The following ARL15 variants were observed in gnomAD, a reference collection of about 807,000 sequenced individuals.
ARL15 encodes ARF like GTPase 15.
Under a neutral mutation model 25.2 loss-of-function variants are expected in ARL15, and 19 were observed. The observed-to-expected ratio is 0.75, with a 90% CI of 0.53 to 1.10. ARL15 has a LOEUF of 1.10. ARL15 is among the 50% of genes least tolerant of loss of function. The pLI is 0.00. For missense variants in ARL15, 220 were observed against 246.0 expected (o/e 0.89, Z 0.71); for synonymous variants, 94 against 86.8 (o/e 1.08, Z -0.46).
At chr5:54,132,851 G>A (rs1037441189) in intron 3 of ARL15, among the ~76,000 whole-genome samples, 3 of 152,044 alleles carry the variant, frequency 2.0e-5, no homozygotes, top group Admixed American at 6.6e-5. Context: ...GGTTTTAGCC[G>A]GCTTCTTTAC....
At chr5:53,953,796 G>A (rs1260791573) in intron 4 of ARL15, among the ~76,000 whole-genome samples, 1 of 152,092 alleles carries the variant, frequency 6.6e-6, no homozygotes, top group Non-Finnish European at 1.5e-5. Flanking sequence ...AAAGTTCTCT[G>A]ATCCATCATA....
chr5:54,155,949 T>C (rs1561245892), intron 2 of ARL15, among the ~76,000 whole-genome samples: 1 of 152,188 alleles, frequency 6.6e-6, no homozygotes, highest in African/African-American at 2.4e-5. Flanking sequence ...TTTTAAGCAT[T>C]ATTTAATATG....
intron 4 of ARL15, among the ~76,000 whole-genome samples, chr5:54,058,115 C>T (rs1750944700): frequency 6.6e-6 from 1 of 151,936 alleles, no homozygotes. Flanking sequence ...AAGTGATTCC[C>T]CTGCCTCAGC....
intron 4 of ARL15, among the ~76,000 whole-genome samples, chr5:54,025,221 C>T (rs1453223061): frequency 6.7e-6 from 1 of 149,956 alleles, no homozygotes; most frequent in Non-Finnish European, 1.5e-5. Flanking sequence ...TTACCCTCAC[C>T]TGAGTTTTCT....
chr5:54,309,548 T>C (rs925838201), intron 1 of ARL15, among the ~76,000 whole-genome samples: 2 of 152,194 alleles, frequency 1.3e-5, no homozygotes, highest in African/African-American at 4.8e-5. Context: ...TGCATGGCAA[T>C]AGCGGTTCTG....
At chr5:54,081,916 A>G (rs1319410077) in intron 4 of ARL15, among the ~76,000 whole-genome samples, 1 of 151,356 alleles carries the variant, frequency 6.6e-6, no homozygotes, top group East Asian at 1.9e-4. Flanking sequence ...ACATAGCGAA[A>G]CCCCGTCTCT....
chr5:54,149,866 CT>C (rs1754012657), intron 3 of ARL15, among the ~76,000 whole-genome samples: 1 of 152,226 alleles, frequency 6.6e-6, no homozygotes, highest in African/African-American at 2.4e-5. Flanking sequence ...TTGAGATTAG[CT>C]TCACCAAAAA....
chr5:53,978,637 G>A (rs28499105), intron 4 of ARL15, among the ~76,000 whole-genome samples: 83,722 of 123,748 alleles, frequency 0.68, 28,239 homozygotes, highest in East Asian at 0.86. Context: ...AAAAAAAAAA[G>A]AAAAGAAAAG....
rs143801550 is a variant in ARL15 at position 53,992,127 on chromosome 5, G to A, written c.463-105414C>T. ...CCCAACCTTAGAAAGATATGACATCGTCAAAAGGAATGTAGCGCCATCTAA... is the reference window on the plus strand; with the variant it reads ...CCCAACCTTAGAAAGATATGACATCATCAAAAGGAATGTAGCGCCATCTAA... On this transcript the variant is annotated intron_variant, in intron 4 of 4. Coordinates refer to ENST00000504924, the MANE Select transcript of ARL15 (RefSeq NM_019087.3). Among the ~76,000 whole-genome samples the A allele has an allele frequency of 5.2e-3, 793 of 152,074 alleles. 5 individuals are homozygous for A. Among genetic ancestry groups the A allele is most frequent in the Non-Finnish European group, 0.01 (684 of 68,002 alleles).
chr5:54,205,823 C>T (rs758064796), intron 1 of ARL15, among the ~76,000 whole-genome samples: 1 of 152,192 alleles, frequency 6.6e-6, no homozygotes, highest in Non-Finnish European at 1.5e-5. Flanking sequence ...ACTAAAGTTA[C>T]CTGATGACCG....
At chr5:54,212,601 A>G (rs575550049) in intron 1 of ARL15, among the ~76,000 whole-genome samples, 15 of 152,320 alleles carry the variant, frequency 9.8e-5, no homozygotes, top group Admixed American at 9.8e-4. Flanking sequence ...AGACCAGGGT[A>G]TTTTAGCAAG....
intron 4 of ARL15, among the ~76,000 whole-genome samples, chr5:54,036,595 A>C (rs1368261525): frequency 2.0e-5 from 3 of 152,166 alleles, no homozygotes; most frequent in East Asian, 3.9e-4. Flanking sequence ...GAAAAAAAAA[A>C]CTATATTTTT....
At chr5:54,171,214 C>A (rs148165921) in intron 2 of ARL15, among the ~76,000 whole-genome samples, 3 of 152,224 alleles carry the variant, frequency 2.0e-5, no homozygotes, top group African/African-American at 7.2e-5. Flanking sequence ...GCCAGTAATA[C>A]CCCTCCCCAC....
intron 1 of ARL15, among the ~76,000 whole-genome samples, chr5:54,230,058 A>T (rs558594123): frequency 6.6e-6 from 1 of 152,318 alleles, no homozygotes; most frequent in South Asian, 2.1e-4. Context: ...TACATTGCCC[A>T]AAAAACATTT....
intron 4 of ARL15, among the ~76,000 whole-genome samples, chr5:54,058,836 CG>C (rs1037642757): frequency 2.0e-5 from 3 of 152,068 alleles, no homozygotes; most frequent in Admixed American, 1.3e-4. Context: ...AAGGCTCCCT[CG>C]GGTTACCATG....
intron 4 of ARL15, among the ~76,000 whole-genome samples, chr5:53,975,220 C>T (rs1286118425): frequency 1.3e-5 from 2 of 152,026 alleles, no homozygotes; most frequent in African/African-American, 4.8e-5. Flanking sequence ...AAGAGAAAAA[C>T]AAGAAATAGG....
rs78855121 is a variant in ARL15, at chr5:54,141,104, T to A, written c.253+13476A>T. On this transcript the variant is annotated intron_variant, in intron 3 of 4. Transcript: ENST00000504924. The stretch of plus-strand genomic sequence containing the variant: ...CACTACGGCATGAACCACAACTGGG[T>A]TATACTGAGAAATCTCTCACTCTTT... Among the ~76,000 whole-genome samples, 286 of 152,222 alleles carry A rather than the reference T, an allele frequency of 1.9e-3. 2 individuals are homozygous for A. Among genetic ancestry groups the A allele is most frequent in the Admixed American group, 8.2e-3 (125 of 15,296 alleles).
intron 2 of ARL15, among the ~76,000 whole-genome samples, chr5:54,169,770 C>T (rs928303422): frequency 2.6e-5 from 4 of 152,094 alleles, no homozygotes; most frequent in African/African-American, 7.2e-5. Context: ...ATACGGACAA[C>T]GCCCAGTGGG....
chr5:54,127,714 A>G (rs1236786423), intron 3 of ARL15, among the ~76,000 whole-genome samples: 10 of 151,554 alleles, frequency 6.6e-5, no homozygotes, highest in African/African-American at 2.4e-4. Flanking sequence ...TCACCAAGTC[A>G]ATCCTAAGCC....
Sources: gnomAD v4.1 joint callset for allele counts (sites outside exome capture counted in the v4.1 genomes callset) on GRCh38, gnomAD v4.1.1 for gene constraint, MANE v1.5 for transcripts, NCBI Gene and HGNC (gene_info 2026-07-23, HGNC 2026-07-21) for gene names.